NCAM1: variants seen among roughly 807,000 people sequenced by gnomAD.
NCAM1 encodes the protein antigen recognized by monoclonal antibody 5.1H11.
A neutral mutation model predicts 109.8 loss-of-function variants in NCAM1; 14 were observed. The observed-to-expected ratio is 0.13, with a 90% confidence interval of 0.08 to 0.20. The LOEUF is 0.20. Among genes scored for constraint, NCAM1 ranks in the 10% least tolerant of loss-of-function variants. The probability of loss-of-function intolerance (pLI) is 1.00; values close to 1 mark genes in which losing one functional copy is unlikely to be tolerated. For missense variants in NCAM1, 774 were observed against 1,109.9 expected (o/e 0.70, Z 4.30); for synonymous variants, 418 against 442.9 (o/e 0.94, Z 0.70).
chr11:113,198,031 TA>T (rs1160772112), intron 1 of NCAM1, among the ~76,000 whole-genome samples: 1 of 151,484 alleles, frequency 6.6e-6, no homozygotes, highest in African/African-American at 2.4e-5. Flanking sequence ...ATCATCAGTT[TA>T]AAAAAAAAGA....
At position 113,209,180 on chromosome 11, in the gene NCAM1, G is replaced by C. The variant is rs76310325; in HGVS notation, c.916+1178G>C. Among the ~76,000 whole-genome samples, 459 of 152,314 alleles carry C rather than the reference G, an allele frequency of 3.0e-3. 1 individual carries two copies. Among genetic ancestry groups the C allele is most frequent in the Non-Finnish European group, 4.8e-3 (328 of 68,026 alleles). ...CTGAGGCGCAGCTCTGGTGCATGGA[G>C]CCCCCAGGTCATTAAAATGTGCACC... On this transcript the variant is annotated intron_variant, in intron 7 of 19. Coordinates refer to ENST00000316851, the MANE Select transcript of NCAM1 (RefSeq NM_181351.5).
At chr11:113,111,607 T>A (rs566784156) in intron 1 of NCAM1, among the ~76,000 whole-genome samples, 3 of 152,318 alleles carry the variant, frequency 2.0e-5, no homozygotes, top group African/African-American at 7.2e-5. Flanking sequence ...ACTGTATACA[T>A]TTGTTGAAAC....
chr11:113,097,002 C>A (rs886714686), intron 1 of NCAM1, among the ~76,000 whole-genome samples: 1 of 152,188 alleles, frequency 6.6e-6, no homozygotes, highest in South Asian at 2.1e-4. Context: ...GTTGAACCCC[C>A]CCTGCCCTGT....
chr11:113,025,726 A>G (rs1181234948), intron 1 of NCAM1, among the ~76,000 whole-genome samples: 1 of 151,522 alleles, frequency 6.6e-6, no homozygotes, highest in African/African-American at 2.4e-5. Flanking sequence ...TCACAAAAAA[A>G]AAAAAAAGCT....
At chr11:113,042,565 A>C (rs1953115977) in intron 1 of NCAM1, among the ~76,000 whole-genome samples, 1 of 151,920 alleles carries the variant, frequency 6.6e-6, no homozygotes, top group South Asian at 2.1e-4. Flanking sequence ...AGCCACCCCT[A>C]ACTCTTCTCT....
At chr11:113,238,935 A>G (rs1945250021) in intron 14 of NCAM1, among the ~76,000 whole-genome samples, 1 of 152,224 alleles carries the variant, frequency 6.6e-6, no homozygotes, top group South Asian at 2.1e-4. Flanking sequence ...GTCAGGTGAG[A>G]CCAGCGCATT....
At chr11:113,069,052 A>T (rs1324943472) in intron 1 of NCAM1, among the ~76,000 whole-genome samples, 1 of 152,130 alleles carries the variant, frequency 6.6e-6, no homozygotes, top group Non-Finnish European at 1.5e-5. Flanking sequence ...ATATTTAATG[A>T]TTGCCTCCTA....
At chr11:112,977,428 C>T (rs1023693429) in intron 1 of NCAM1, 3 of 151,716 alleles carry the variant, frequency 2.0e-5, no homozygotes, top group Non-Finnish European at 4.4e-5. Flanking sequence ...ATTTCTTAGT[C>T]TTCATTTGGA....
At chr11:112,974,798 T>C (rs1180312357) in intron 1 of NCAM1, among the ~76,000 whole-genome samples, 1 of 150,756 alleles carries the variant, frequency 6.6e-6, no homozygotes, top group African/African-American at 2.4e-5. Context: ...GCCACCCTCC[T>C]GTAGCTTACA....
intron 15 of NCAM1, among the ~76,000 whole-genome samples, chr11:113,247,605 C>T (rs1189872121): frequency 3.3e-5 from 5 of 152,166 alleles, no homozygotes; most frequent in African/African-American, 4.8e-5. Context: ...AATGTAGTCC[C>T]ATTTACAGCC....
chr11:113,243,176 G>T (rs1945387677), intron 14 of NCAM1, among the ~76,000 whole-genome samples: 1 of 152,238 alleles, frequency 6.6e-6, no homozygotes, highest in South Asian at 2.1e-4. Context: ...CCCGGCTTTC[G>T]CTTTGCTGTC....
At chr11:113,113,867 C>T (rs1378152082) in intron 1 of NCAM1, among the ~76,000 whole-genome samples, 1 of 152,152 alleles carries the variant, frequency 6.6e-6, no homozygotes, top group Non-Finnish European at 1.5e-5. Context: ...GTGTTTGACA[C>T]GATCAATGGA....
At chr11:113,217,953 T>A (rs1944578101) in intron 8 of NCAM1, among the ~76,000 whole-genome samples, 1 of 152,204 alleles carries the variant, frequency 6.6e-6, no homozygotes, top group Non-Finnish European at 1.5e-5. Context: ...AAACACCCTG[T>A]GGCTTGAGAA....
At position 113,200,764 on chromosome 11, in the gene NCAM1, G is replaced by A. The variant is rs181137045; in HGVS notation, c.53-1615G>A. Among the ~76,000 whole-genome samples, 5 of 152,216 alleles carry A rather than the reference G, an allele frequency of 3.3e-5. No homozygotes were observed. In the East Asian group the frequency reaches 5.8e-4, roughly 18 times the overall value. On this transcript the variant is annotated intron_variant, in intron 1 of 19. Transcript: ENST00000316851. Reference sequence around the variant, plus strand: ...CCACAGATAATCACACTTGCACTGCGGGCAGTGACCCCGCGGCATAGTATT... The same window carrying A: ...CCACAGATAATCACACTTGCACTGCAGGCAGTGACCCCGCGGCATAGTATT...
chr11:113,124,823 CA>C (rs1941113756), intron 1 of NCAM1, among the ~76,000 whole-genome samples: 1 of 152,038 alleles, frequency 6.6e-6, no homozygotes, highest in African/African-American at 2.4e-5. Flanking sequence ...CCGGGTCTGG[CA>C]AAAGAGCTTG....
At chr11:113,107,719 T>G (rs1463704697) in intron 1 of NCAM1, among the ~76,000 whole-genome samples, 4 of 152,130 alleles carry the variant, frequency 2.6e-5, no homozygotes, top group Non-Finnish European at 5.9e-5. Context: ...TATCTCCCAC[T>G]GGGTCCCTCC....
intron 7 of NCAM1, among the ~76,000 whole-genome samples, chr11:113,210,072 A>G (rs560941371): frequency 5.1e-4 from 77 of 152,350 alleles, no homozygotes; most frequent in South Asian, 1.0e-3. Context: ...GATTGAATAA[A>G]TGAAGGAACT....
chr11:113,113,779 AAT>A (rs1265838906), intron 1 of NCAM1, among the ~76,000 whole-genome samples: 4 of 152,128 alleles, frequency 2.6e-5, no homozygotes, highest in Non-Finnish European at 4.4e-5. Flanking sequence ...AAAAAAAAAA[AAT>A]CTTGATGTGT....
At chr11:113,181,849 T>A (rs1943345276) in intron 1 of NCAM1, among the ~76,000 whole-genome samples, 1 of 152,142 alleles carries the variant, frequency 6.6e-6, no homozygotes, top group African/African-American at 2.4e-5. Context: ...CCCCACGCTA[T>A]TTTTGACATA....
Sources: gnomAD v4.1 joint callset for allele counts (sites outside exome capture counted in the v4.1 genomes callset) on GRCh38, gnomAD v4.1.1 for gene constraint, MANE v1.5 for transcripts, NCBI Gene and HGNC (gene_info 2026-07-23, HGNC 2026-07-21) for gene names.